The following LRP1B variants were observed in gnomAD, a reference collection of about 807,000 sequenced individuals.
LRP1B encodes LDL receptor related protein 1B.
LRP1B carries 217 observed loss-of-function variants against 556.6 expected under a neutral mutation model. The observed-to-expected ratio is 0.39, with a 90% CI of 0.35 to 0.44. The LOEUF is 0.44. Among genes scored for constraint, LRP1B ranks in the 20% least tolerant of loss-of-function variants. The probability of loss-of-function intolerance (pLI) is 1.00; values close to 1 mark genes in which losing one functional copy is unlikely to be tolerated. For missense variants in LRP1B, 5,053 were observed against 5,620.8 expected, an observed-to-expected ratio of 0.90 and a Z score of 3.23; for synonymous variants, 2,047 against 1,865.8, an observed-to-expected ratio of 1.10 and a Z score of -2.50.
chr2:140,533,789 C>T (rs529982187), intron 47 of LRP1B, among the ~76,000 whole-genome samples: 4 of 151,964 alleles, frequency 2.6e-5, no homozygotes, highest in Non-Finnish European at 2.9e-5. Flanking sequence ...ACTGAAGAGG[C>T]GAGAAATTAT....
chr2:140,576,489 A>G (rs1247534206), intron 43 of LRP1B, among the ~76,000 whole-genome samples: 1 of 152,222 alleles, frequency 6.6e-6, no homozygotes, highest in Non-Finnish European at 1.5e-5. Context: ...ATTCGCCAAA[A>G]TTAACCATGC....
chr2:141,227,241 TA>T (rs1683285141), intron 6 of LRP1B, among the ~76,000 whole-genome samples: 1 of 152,198 alleles, frequency 6.6e-6, no homozygotes, highest in Admixed American at 6.6e-5. Flanking sequence ...TAAGTGTAGA[TA>T]AAAAGTTCTT....
chr2:140,925,036 TA>T (rs1694847029), intron 20 of LRP1B, among the ~76,000 whole-genome samples: 2 of 152,090 alleles, frequency 1.3e-5, no homozygotes, highest in Non-Finnish European at 2.9e-5. Flanking sequence ...CAATATAGTA[TA>T]ACTATATCAT....
intron 1 of LRP1B, among the ~76,000 whole-genome samples, chr2:142,088,445 T>G (rs930728775): frequency 5.9e-5 from 9 of 152,182 alleles, no homozygotes; most frequent in African/African-American, 2.2e-4. Context: ...TAAGCCATAG[T>G]GAGTGAAAAC....
chr2:141,267,819 C>T (rs1684947473), intron 3 of LRP1B, among the ~76,000 whole-genome samples: 1 of 152,020 alleles, frequency 6.6e-6, no homozygotes, highest in Admixed American at 6.6e-5. Flanking sequence ...TCTATGTTAC[C>T]TAGCTTTTGT....
At chr2:141,795,888 A>ATATATATATG (rs1695793564) in intron 2 of LRP1B, among the ~76,000 whole-genome samples, 1 of 78,278 alleles carries the variant, frequency 1.3e-5, no homozygotes, top group Non-Finnish European at 2.8e-5. Flanking sequence ...ATATATATAT[A>ATATATATATG]TATATATATA....
intron 6 of LRP1B, among the ~76,000 whole-genome samples, chr2:141,221,282 C>T (rs879309388): frequency 2.2e-5 from 1 of 44,976 alleles, no homozygotes; most frequent in Middle Eastern, 9.6e-3. Flanking sequence ...ACTAAGCCAA[C>T]AAAGATAAAA....
chr2:141,520,049 C>A (rs1027738473), intron 2 of LRP1B, among the ~76,000 whole-genome samples: 1 of 152,124 alleles, frequency 6.6e-6, no homozygotes, highest in African/African-American at 2.4e-5. Context: ...CCCACTTGAA[C>A]CATACAGCTG....
At chr2:141,440,466 C>A (rs2105002180) in intron 3 of LRP1B, among the ~76,000 whole-genome samples, 1 of 152,330 alleles carries the variant, frequency 6.6e-6, no homozygotes, top group East Asian at 1.9e-4. Flanking sequence ...TCCAAGGGGA[C>A]CCAGCTCCTG....
At chr2:140,833,902 G>A (rs899855414) in intron 31 of LRP1B, among the ~76,000 whole-genome samples, 1 of 152,104 alleles carries the variant, frequency 6.6e-6, no homozygotes, top group Non-Finnish European at 1.5e-5. Context: ...CATAAGCACA[G>A]TTTATTGTCT....
At chr2:142,012,917 A>G (rs1435191442) in intron 1 of LRP1B, among the ~76,000 whole-genome samples, 2 of 152,088 alleles carry the variant, frequency 1.3e-5, no homozygotes, top group Admixed American at 6.5e-5. Flanking sequence ...TGTCAAATAG[A>G]CCTAAGTTTG....
intron 29 of LRP1B, among the ~76,000 whole-genome samples, chr2:140,842,029 G>A (rs776509707): frequency 3.9e-5 from 6 of 152,144 alleles, no homozygotes; most frequent in Non-Finnish European, 7.4e-5. Context: ...AAGACACCTG[G>A]AAACTGTTAA....
At chr2:141,491,800 A>G (rs559494089) in intron 2 of LRP1B, among the ~76,000 whole-genome samples, 2 of 152,214 alleles carry the variant, frequency 1.3e-5, no homozygotes, top group Non-Finnish European at 2.9e-5. Context: ...ACACAGAGAT[A>G]TTGCTATTGG....
intron 41 of LRP1B, among the ~76,000 whole-genome samples, chr2:140,696,341 G>A (rs1161448071): frequency 6.6e-6 from 1 of 152,082 alleles, no homozygotes; most frequent in Non-Finnish European, 1.5e-5. Flanking sequence ...TAAGCAAAGG[G>A]CAACTTCTTG....
At chr2:140,509,874 C>A (rs933527580) in intron 52 of LRP1B, 54 bp downstream of exon 52, 2 of 1,579,164 alleles carry the variant, frequency 1.3e-6, no homozygotes, top group East Asian at 2.3e-5. Context: ...AAACAAATAA[C>A]CAAGGATGCT....
chr2:141,469,557 T>C (rs1682381647), intron 3 of LRP1B, among the ~76,000 whole-genome samples: 1 of 152,144 alleles, frequency 6.6e-6, no homozygotes, highest in Admixed American at 6.5e-5. Context: ...TTCCATGCGA[T>C]TCCATGGAAT....
At chr2:141,206,440 C>T (rs943732380) in intron 6 of LRP1B, among the ~76,000 whole-genome samples, 1 of 151,826 alleles carries the variant, frequency 6.6e-6, no homozygotes, top group Non-Finnish European at 1.5e-5. Context: ...AAAAAATTAG[C>T]CAGGCGTGGT....
At chr2:141,202,386 T>A (rs1419643753) in intron 6 of LRP1B, among the ~76,000 whole-genome samples, 1 of 152,206 alleles carries the variant, frequency 6.6e-6, no homozygotes, top group Non-Finnish European at 1.5e-5. Context: ...TACACGTGCA[T>A]GTGTCTTTAT....
intron 2 of LRP1B, among the ~76,000 whole-genome samples, chr2:141,710,755 T>C (rs1275668417): frequency 1.3e-5 from 2 of 152,198 alleles, no homozygotes; most frequent in African/African-American, 2.4e-5. Flanking sequence ...ATACAGGTCA[T>C]GGAGGATGTG....
Sources: gnomAD v4.1 joint callset for allele counts (sites outside exome capture counted in the v4.1 genomes callset) on GRCh38, gnomAD v4.1.1 for gene constraint, MANE v1.5 for transcripts, NCBI Gene and HGNC (gene_info 2026-07-23, HGNC 2026-07-21) for gene names.